Variants in SLC45A4 observed in about 807,000 individuals in gnomAD.
SLC45A4 encodes the protein polyamine-transporter SLC45A4.
A neutral mutation model predicts 63.7 loss-of-function variants in SLC45A4; 32 were observed. The observed-to-expected ratio is 0.50, with a 90% CI of 0.38 to 0.67. The LOEUF is 0.67. Among genes scored for constraint, SLC45A4 ranks in the 30% least tolerant of loss-of-function variants. The probability of loss-of-function intolerance (pLI) is 0.00; values close to 1 mark genes in which losing one functional copy is unlikely to be tolerated. For missense variants in SLC45A4, 1,027 were observed against 1,157.7 expected, an observed-to-expected ratio of 0.89 and a Z score of 1.64; for synonymous variants, 535 against 510.0, an observed-to-expected ratio of 1.05 and a Z score of -0.66.
chr8:141,230,971 G>A (rs1004590221), intron 2 of SLC45A4, among the ~76,000 whole-genome samples: 5 of 152,174 alleles, frequency 3.3e-5, no homozygotes, highest in East Asian at 1.9e-4. Context: ...TGCTGGCGGC[G>A]GCAACAGCGT....
intron 1 of SLC45A4, among the ~76,000 whole-genome samples, chr8:141,291,069 A>T (rs529259566): frequency 2.0e-5 from 3 of 152,214 alleles, no homozygotes; most frequent in African/African-American, 7.2e-5. Flanking sequence ...GGCTGGTCTC[A>T]AACTCCTGAC....
Position 141,254,290 on chromosome 8 carries a change from T to A in SLC45A4, c.-61A>T. 5 of 1,421,226 alleles carry A rather than the reference T, an allele frequency of 3.5e-6. No homozygotes were observed. Among genetic ancestry groups the A allele is most frequent in the Non-Finnish European group, 4.6e-6 (5 of 1,079,786 alleles). 88.0% of individuals were successfully genotyped at this position (1,421,226 alleles called of 1,614,324 possible). On this transcript the variant is annotated 5_prime_UTR_variant, in exon 2 of 9. Transcript: ENST00000517878. This position sits in a 1 kb window ranked among gnomAD's most constrained non-coding sequence, Gnocchi z 4.5. ...TATCTATATAAATAATGCTTTCATA[T>A]ATCTGTAATGATAAATTAAGACGTC...
intron 2 of SLC45A4, among the ~76,000 whole-genome samples, chr8:141,250,133 G>T (rs4273887): frequency 0.7 from 107,184 of 152,060 alleles, 38,268 homozygotes; most frequent in East Asian, 0.87. Context: ...TTTGGAAAGC[G>T]ACCTTCAATA....
chr8:141,272,825 C>T (rs1425838105), intron 1 of SLC45A4, among the ~76,000 whole-genome samples: 1 of 152,164 alleles, frequency 6.6e-6, no homozygotes. Context: ...AGAAAGTAAA[C>T]GCAACAGTGT....
intron 1 of SLC45A4, among the ~76,000 whole-genome samples, chr8:141,280,921 G>A (rs985146274): frequency 6.6e-6 from 1 of 152,212 alleles, no homozygotes; most frequent in African/African-American, 2.4e-5. Flanking sequence ...CGCAAGACCG[G>A]GCTGTGCGTC....
chr8:141,228,243 T>C (rs1158605960), intron 2 of SLC45A4: 5 of 1,613,896 alleles, frequency 3.1e-6, no homozygotes, highest in Non-Finnish European at 4.2e-6. Context: ...GGGACAGCCC[T>C]GAGGCTGGGC....
At chr8:141,285,780 G>A (rs138795347) in intron 1 of SLC45A4, among the ~76,000 whole-genome samples, 4 of 152,320 alleles carry the variant, frequency 2.6e-5, no homozygotes, top group East Asian at 3.9e-4. Flanking sequence ...CTGACCGGCC[G>A]AGGGCACCTG....
chr8:141,263,479 G>C (rs1002572966), intron 1 of SLC45A4, among the ~76,000 whole-genome samples: 2 of 151,890 alleles, frequency 1.3e-5, no homozygotes, highest in Non-Finnish European at 2.9e-5. Context: ...AGAAAATCAA[G>C]GGTCATGGCC....
At chr8:141,273,870 C>T (rs542326060) in intron 1 of SLC45A4, among the ~76,000 whole-genome samples, 9 of 152,248 alleles carry the variant, frequency 5.9e-5, no homozygotes, top group South Asian at 2.1e-4. Context: ...ACACGATGTC[C>T]GTGTGTTTGA....
chr8:141,264,408 C>T (rs992415106), intron 1 of SLC45A4, among the ~76,000 whole-genome samples: 4 of 152,294 alleles, frequency 2.6e-5, no homozygotes, highest in African/African-American at 4.8e-5. Flanking sequence ...TCTACCTAGC[C>T]GCGGGAGGCA....
At position 141,256,592 on chromosome 8, in the gene SLC45A4, A is replaced by C. The variant is rs7002500; in HGVS notation, c.-400-1963T>G. 306,727 of 456,022 alleles carry C rather than the reference A, an allele frequency of 0.67. 104,277 individuals carry two copies. Among genetic ancestry groups the C allele is most frequent in the East Asian group, 0.87 (12,500 of 14,364 alleles). 28.2% of individuals were successfully genotyped at this position (456,022 alleles called of 1,614,324 possible). On this transcript the variant is annotated intron_variant, in intron 1 of 8. Transcript: ENST00000517878. The surrounding 1 kb of genome is among the most constrained non-coding windows in gnomAD (Gnocchi z 4.3). ...GAAGGAAGCCGTGCGCCTGGCTCTT[A>C]CGTCCCAGCTCTTCCCTACATCTTC...
intron 1 of SLC45A4, among the ~76,000 whole-genome samples, chr8:141,268,463 C>T (rs749999242): frequency 9.2e-5 from 14 of 152,268 alleles, no homozygotes; most frequent in African/African-American, 2.9e-4. Flanking sequence ...GTGACAGAGA[C>T]GTGCCACTGC....
chr8:141,211,844 CTTA>C (rs1398890704), intron 8 of SLC45A4, 147 bp from the exon 9 acceptor site: 18 of 1,301,978 alleles, frequency 1.4e-5, no homozygotes, highest in Non-Finnish European at 1.8e-5. Flanking sequence ...TTCTAAGTTG[CTTA>C]TTGTCTATAT....
intron 2 of SLC45A4, among the ~76,000 whole-genome samples, chr8:141,250,931 A>C (rs1443497285): frequency 1.3e-5 from 2 of 152,248 alleles, no homozygotes; most frequent in Admixed American, 6.5e-5. Context: ...CACCATCTAT[A>C]AAGTATGAAA....
chr8:141,280,549 T>G (rs1167912890), intron 1 of SLC45A4, among the ~76,000 whole-genome samples: 1 of 152,082 alleles, frequency 6.6e-6, no homozygotes, highest in African/African-American at 2.4e-5. Flanking sequence ...AACATGGTGT[T>G]GAGGCCGGCT....
In SLC45A4 at chr8:141,218,175, C is replaced by A. The variant is rs1457529096; in HGVS notation, c.1465G>T (p.Glu489Ter). ...AGCAGGCGCACCGTGGTCTCGCCCT[C>A]CCCCTCCTCACTCTCGGTGTCCCCG... ...SSGDTESEEGEGETTVRLLWL... is the reference protein window; with the variant it reads ...SSGDTESEEG The change falls in exon 5 of 9, where the codon GAG (glutamate) becomes TAG (stop). Residue 489 changes from glutamate (E) to a stop codon, truncating the protein, a stop_gained. Coordinates refer to ENST00000517878, the MANE Select transcript of SLC45A4 (RefSeq NM_001286646.2). LOFTEE classifies it high-confidence loss of function. 1 of 1,606,352 alleles carries A rather than the reference C, an allele frequency of 6.2e-7. No homozygotes were observed. The highest frequency in any genetic ancestry group is 8.5e-7 in the Non-Finnish European group (1 of 1,179,890).
rs1828538881 is a variant in SLC45A4 at position 141,252,680 on chromosome 8, TGCGTCTGTG to T, written c.241+1300_241+1308del. On this transcript the variant is annotated intron_variant, in intron 2 of 8. Transcript: ENST00000517878. ...GAATTTCCGTTTTCACGCCCACCTG[TGCGTCTGTG>T]AATTTCCGTGTTTTCACGCCCACCT... 1.6e-5 allele frequency: 2 copies of T among 122,626 alleles called. 1 individual carries two copies. The highest frequency in any genetic ancestry group is 6.6e-5 in the African/African-American group (2 of 30,322). The allele number at this position is 122,626 out of a possible 1,614,324, so 7.6% of individuals were successfully genotyped here.
At chr8:141,295,666 AC>A (rs1830519221) in intron 1 of SLC45A4, among the ~76,000 whole-genome samples, 1 of 152,206 alleles carries the variant, frequency 6.6e-6, no homozygotes, top group Non-Finnish European at 1.5e-5. Flanking sequence ...GAACTGCCCC[AC>A]GGCAGCACTG....
At chr8:141,265,470 G>A (rs1053620494) in intron 1 of SLC45A4, among the ~76,000 whole-genome samples, 2 of 152,214 alleles carry the variant, frequency 1.3e-5, no homozygotes, top group Non-Finnish European at 2.9e-5. Flanking sequence ...CCAGTCCAAC[G>A]CCCAGCAAAC....
Sources: gnomAD v4.1 joint callset for allele counts (sites outside exome capture counted in the v4.1 genomes callset) on GRCh38, gnomAD v4.1.1 for gene constraint, Gnocchi (gnomAD v3.1) non-coding constraint, MANE v1.5 for transcripts, NCBI Gene and HGNC (gene_info 2026-07-23, HGNC 2026-07-21) for gene names.